HIVEP1: variants seen among roughly 807,000 people sequenced by gnomAD.
HIVEP1 encodes the protein HIVEP zinc finger 1.
Under a neutral mutation model 180.0 loss-of-function variants are expected in HIVEP1, and 36 were observed. That is an observed-to-expected ratio of 0.20 (90% CI 0.15 to 0.26). The LOEUF is 0.26. Ranked by LOEUF, HIVEP1 falls within the 10% of genes least tolerant of loss-of-function variation. HIVEP1 has a pLI of 1.00. For missense variants in HIVEP1, 3,143 were observed against 3,268.7 expected (o/e 0.96, Z 0.94); for synonymous variants, 1,239 against 1,239.0 (o/e 1.00, Z 0.00).
chr6:12,017,023 A>G (rs1767810680), intron 2 of HIVEP1, among the ~76,000 whole-genome samples: 1 of 152,224 alleles, frequency 6.6e-6, no homozygotes, highest in African/African-American at 2.4e-5. Context: ...GGCAGCCCAA[A>G]TATTTGTTGA....
At chr6:12,159,216 GCGTGCA>G (rs574113889) in intron 7 of HIVEP1, among the ~76,000 whole-genome samples, 202 of 152,122 alleles carry the variant, frequency 1.3e-3, no homozygotes, top group African/African-American at 4.7e-3. Context: ...GTGCGCGCGC[GCGTGCA>G]CGTGCACGCT....
chr6:12,044,127 C>T (rs1207307220), intron 2 of HIVEP1, among the ~76,000 whole-genome samples: 1 of 152,124 alleles, frequency 6.6e-6, no homozygotes, highest in Non-Finnish European at 1.5e-5. Flanking sequence ...AGACCACTAT[C>T]TTAAAGCCGT....
chr6:12,041,159 C>T (rs142971689), intron 2 of HIVEP1, among the ~76,000 whole-genome samples: 157 of 152,290 alleles, frequency 1.0e-3, no homozygotes, highest in Middle Eastern at 3.4e-3. Context: ...GTGTGGCTCA[C>T]GCCTGTAATC....
chr6:12,165,446 TCA>T (rs1760677296), downstream of HIVEP1, among the ~76,000 whole-genome samples: 1 of 152,138 alleles, frequency 6.6e-6, no homozygotes, highest in African/African-American at 2.4e-5. Context: ...GCTGTTAAAC[TCA>T]CAGAGCTCTG....
the HIVEP1 span, among the ~76,000 whole-genome samples, chr6:12,178,036 G>T: frequency 6.6e-6 from 1 of 152,164 alleles, no homozygotes; most frequent in South Asian, 2.1e-4. Context: ...AAAATATATA[G>T]TGCTATCTTT....
In HIVEP1 at chr6:12,163,998, C is replaced by T. The variant is rs369785757; in HGVS notation, c.7694C>T (p.Ala2565Val). ...IPSVSQVAVDAQGAPEMPASQ... is the reference protein window; with the variant it reads ...IPSVSQVAVDVQGAPEMPASQ... ...TCAGTCAGTCAAGTAGCCGTTGATG[C>T]ACAGGGAGCTCCAGAAATGCCAGCT... Residue 2565 changes from alanine to valine, a missense_variant, in exon 9 of 9, where the codon GCA (alanine) becomes GTA (valine). Physicochemically the swap from Ala to Val is moderately conservative, Grantham distance 64. This residue lies in a region of HIVEP1 where 595 missense variants were observed against 602.2 expected (regional missense o/e 0.99). Coordinates refer to ENST00000379388, the MANE Select transcript of HIVEP1 (RefSeq NM_002114.4). 4.3e-6 allele frequency: 7 copies of T among 1,614,098 alleles called. No homozygotes were observed. In the Admixed American group the frequency reaches 8.3e-5, roughly 19 times the overall value.
intron 2 of HIVEP1, among the ~76,000 whole-genome samples, chr6:12,022,207 G>A (rs976947094): frequency 6.6e-6 from 1 of 150,992 alleles, no homozygotes; most frequent in Non-Finnish European, 1.5e-5. Context: ...GTTTCACTCT[G>A]TCACCCAGGC....
In HIVEP1 at chr6:12,162,266, A is replaced by G. The variant is rs552977148; in HGVS notation, c.6978+337A>G. On this transcript the variant is annotated intron_variant, in intron 8 of 8. Coordinates refer to ENST00000379388, the MANE Select transcript of HIVEP1 (RefSeq NM_002114.4). ...GACAGTGGCGAACACAAGTCCCGCA[A>G]CTGATTTATCTGCTGGCCCCTTCTG... 1.4e-4 allele frequency among the ~76,000 whole-genome samples: 21 copies of G among 150,434 alleles called. 1 individual carries two copies. The highest frequency in any genetic ancestry group is 1.3e-3 in the Admixed American group (20 of 15,156).
At chr6:12,142,415 G>A (rs2113616539) in intron 7 of HIVEP1, among the ~76,000 whole-genome samples, 1 of 152,180 alleles carries the variant, frequency 6.6e-6, no homozygotes, top group South Asian at 2.1e-4. Context: ...AGCACTAAAT[G>A]CCCACAAGAG....
At chr6:12,017,404 G>C (rs1048897849) in intron 2 of HIVEP1, among the ~76,000 whole-genome samples, 2 of 152,220 alleles carry the variant, frequency 1.3e-5, no homozygotes, top group East Asian at 3.9e-4. Flanking sequence ...CAGGAGTGAA[G>C]CTGCACACCT....
intron 2 of HIVEP1, among the ~76,000 whole-genome samples, chr6:12,042,909 T>C (rs746431522): frequency 5.3e-5 from 8 of 152,232 alleles, no homozygotes; most frequent in Non-Finnish European, 1.0e-4. Flanking sequence ...TGCACTTAGA[T>C]CTTTAATCCA....
intron 7 of HIVEP1, among the ~76,000 whole-genome samples, chr6:12,141,691 C>CAAAAAAAAAAAAAAAAAAAAAAAAAA (rs60419579): frequency 5.2e-5 from 1 of 19,238 alleles, no homozygotes; most frequent in Non-Finnish European, 1.6e-4. Flanking sequence ...AAATGGAAAG[C>CAAAAAAAAAAAAAAAAAAAAAAAAAA]AAAAAAAAAA....
At chr6:12,074,643 T>TGTGTGTGCGCGCGCGTGCATGTCC (rs573970756) in intron 2 of HIVEP1, among the ~76,000 whole-genome samples, 2 of 148,032 alleles carry the variant, frequency 1.4e-5, no homozygotes, top group African/African-American at 5.1e-5. Flanking sequence ...TGTGTGTGTG[T>TGTGTGTGCGCGCGCGTGCATGTCC]GCGCGCGCGT....
At chr6:12,017,967 CAG>C (rs950243334) in intron 2 of HIVEP1, among the ~76,000 whole-genome samples, 29 of 152,326 alleles carry the variant, frequency 1.9e-4, no homozygotes, top group African/African-American at 5.5e-4. Context: ...CGCCTAGGAA[CAG>C]GGGGCAGCGC....
At chr6:12,176,811 T>G in the HIVEP1 span, among the ~76,000 whole-genome samples, 2 of 152,252 alleles carry the variant, frequency 1.3e-5, no homozygotes, top group East Asian at 3.8e-4. Context: ...ATTCTTTTGC[T>G]GTGCAGAAGC....
intron 3 of HIVEP1, among the ~76,000 whole-genome samples, chr6:12,117,317 G>T (rs1295763014): frequency 3.9e-5 from 6 of 152,198 alleles, no homozygotes; most frequent in Non-Finnish European, 2.9e-5. Flanking sequence ...AGTGTTATAA[G>T]CTTTGACAAA....
intron 7 of HIVEP1, among the ~76,000 whole-genome samples, chr6:12,147,620 C>T (rs988569331): frequency 5.9e-5 from 9 of 151,956 alleles, no homozygotes; most frequent in African/African-American, 2.2e-4. Context: ...AGTGGATGAT[C>T]CCATTCAGCA....
downstream of HIVEP1, among the ~76,000 whole-genome samples, chr6:12,167,650 T>TATAC (rs1562023665): frequency 2.1e-4 from 22 of 106,238 alleles, no homozygotes; most frequent in Admixed American, 3.7e-4. Flanking sequence ...CATATACATA[T>TATAC]ATATGTTATA....
At chr6:12,109,147 T>C in intron 3 of HIVEP1, among the ~76,000 whole-genome samples, 1 of 118,418 alleles carries the variant, frequency 8.4e-6, no homozygotes, top group East Asian at 2.4e-4. Context: ...GCCCGGCTAA[T>C]TTTTTAAATT....
Sources: allele counts gnomAD v4.1 joint callset (sites outside exome capture counted in the v4.1 genomes callset), GRCh38; gene constraint gnomAD v4.1.1; regional missense constraint gnomAD v4.1.1; transcripts MANE v1.5; gene names NCBI Gene and HGNC (gene_info 2026-07-23, HGNC 2026-07-21).